Variants in PRKN observed in about 807,000 individuals in gnomAD.
PRKN encodes the protein parkin RBR E3 ubiquitin protein ligase.
PRKN carries 56 observed loss-of-function variants against 59.5 expected under a neutral mutation model. That is an observed-to-expected ratio of 0.94 (90% CI 0.76 to 1.18). The LOEUF is 1.18. PRKN is among the 50% of genes most tolerant of loss of function. The pLI is 0.00. For synonymous variants in PRKN, 250 were observed against 222.1 expected (o/e 1.13, Z -1.12); for missense variants, 657 against 596.4 (o/e 1.10, Z -1.06).
At position 161,499,067 on chromosome 6, in the gene PRKN, T is replaced by A. The variant is rs1777858724; in HGVS notation, c.1083+49787A>T. On this transcript the variant is annotated intron_variant, in intron 9 of 11. Coordinates refer to ENST00000366898, the MANE Select transcript of PRKN (RefSeq NM_004562.3). This position sits in a 1 kb window ranked among gnomAD's most constrained non-coding sequence, Gnocchi z 4.2. The stretch of plus-strand genomic sequence containing the variant: ...TCTAGTCCAAACCAACCTTCCCAGC[T>A]AGGGTTTCGTTCAAAGGTCACAACT... Among the ~76,000 whole-genome samples the A allele has an allele frequency of 2.6e-5, 4 of 151,232 alleles. No homozygotes were observed. The South Asian group carries it at 8.4e-4, about 32-fold the overall frequency.
At chr6:161,749,466 C>A (rs1265383961) in intron 7 of PRKN, among the ~76,000 whole-genome samples, 1 of 152,134 alleles carries the variant, frequency 6.6e-6, no homozygotes, top group African/African-American at 2.4e-5. Context: ...TTTGCAGGAT[C>A]AATTTCTATG....
chr6:162,318,495 G>GGGTGAT (rs1399928127), intron 2 of PRKN, among the ~76,000 whole-genome samples: 1 of 152,028 alleles, frequency 6.6e-6, no homozygotes, highest in Non-Finnish European at 1.5e-5. Flanking sequence ...AAATGAAATT[G>GGGTGAT]CTGGGTGATC....
chr6:162,307,210 G>A (rs1382414658), intron 2 of PRKN, among the ~76,000 whole-genome samples: 2 of 151,900 alleles, frequency 1.3e-5, no homozygotes, highest in African/African-American at 4.8e-5. Flanking sequence ...GACCAGCCTG[G>A]CCAACATGGT....
At chr6:161,901,182 G>A (rs887350479) in intron 6 of PRKN, among the ~76,000 whole-genome samples, 16 of 152,048 alleles carry the variant, frequency 1.1e-4, no homozygotes, top group African/African-American at 2.4e-4. Context: ...GTGATCCACC[G>A]GCCTTGGCCT....
intron 2 of PRKN, among the ~76,000 whole-genome samples, chr6:162,385,842 T>A (rs1009517749): frequency 1.8e-4 from 28 of 152,098 alleles, no homozygotes; most frequent in African/African-American, 6.5e-4. Context: ...CCAACTTGAA[T>A]GTTATTCAGT....
chr6:162,486,854 G>A (rs1792565505), intron 1 of PRKN, among the ~76,000 whole-genome samples: 1 of 152,170 alleles, frequency 6.6e-6, no homozygotes, highest in Non-Finnish European at 1.5e-5. Context: ...TGGATCACCT[G>A]AGGTCAGGAG....
intron 9 of PRKN, among the ~76,000 whole-genome samples, chr6:161,412,398 T>TCGG (rs1787616901): frequency 8.3e-6 from 1 of 121,182 alleles, no homozygotes; most frequent in African/African-American, 3.2e-5. Context: ...CTCACTCCTT[T>TCGG]CTCACGCATT....
chr6:162,386,076 A>T (rs1786790155), intron 2 of PRKN, among the ~76,000 whole-genome samples: 1 of 152,184 alleles, frequency 6.6e-6, no homozygotes, highest in African/African-American at 2.4e-5. Context: ...CAGGATACAT[A>T]TAAATATAGA....
intron 9 of PRKN, among the ~76,000 whole-genome samples, chr6:161,389,142 A>T (rs1786394855): frequency 6.6e-6 from 1 of 152,212 alleles, no homozygotes. Context: ...ACTCTATCCC[A>T]AAATATACCA....
At chr6:162,350,766 AC>A (rs1335886834) in intron 2 of PRKN, among the ~76,000 whole-genome samples, 1 of 152,186 alleles carries the variant, frequency 6.6e-6, no homozygotes, top group Non-Finnish European at 1.5e-5. Flanking sequence ...TTAAGAAAAC[AC>A]TTTTTAGCTA....
At chr6:162,556,362 T>TGTGTGC (rs1554243399) in intron 1 of PRKN, among the ~76,000 whole-genome samples, 4 of 86,266 alleles carry the variant, frequency 4.6e-5, no homozygotes, top group African/African-American at 1.5e-4. Context: ...TGTGTGTGTG[T>TGTGTGC]GTGTGTGTGT....
intron 2 of PRKN, among the ~76,000 whole-genome samples, chr6:162,306,756 G>C (rs1165472954): frequency 6.6e-6 from 1 of 152,112 alleles, no homozygotes; most frequent in Non-Finnish European, 1.5e-5. Flanking sequence ...TAACAAAACT[G>C]AAATGACATG....
At chr6:162,522,250 A>G (rs566506809) in intron 1 of PRKN, among the ~76,000 whole-genome samples, 3 of 152,172 alleles carry the variant, frequency 2.0e-5, no homozygotes, top group South Asian at 4.1e-4. Context: ...CAGCCTCCCA[A>G]GTAGCTGGGA....
intron 1 of PRKN, among the ~76,000 whole-genome samples, chr6:162,570,061 A>T (rs1780254451): frequency 6.6e-6 from 1 of 152,248 alleles, no homozygotes; most frequent in South Asian, 2.1e-4. Context: ...CTGCCAGGGG[A>T]TTAATAATCA....
intron 1 of PRKN, among the ~76,000 whole-genome samples, chr6:162,487,397 G>A (rs1792595380): frequency 6.6e-6 from 1 of 152,162 alleles, no homozygotes; most frequent in Non-Finnish European, 1.5e-5. Context: ...GAGGCTGTGT[G>A]TATCTCCCAG....
rs956751425 is a variant in PRKN, at chr6:161,630,380, G to A, written c.872-60964C>T. Among the ~76,000 whole-genome samples the A allele has an allele frequency of 2.0e-5, 3 of 152,118 alleles. No individual in the cohort carries two copies. The East Asian group carries it at 5.8e-4, about 29-fold the overall frequency. On this transcript the variant is annotated intron_variant, in intron 7 of 11. Transcript: ENST00000366898. ...ATGCTTTGAAGTAACTGGCACTTGG[G>A]TGACACACACGGTATGTCCCCAATA...
chr6:161,995,260 T>C (rs1374542930), intron 5 of PRKN, among the ~76,000 whole-genome samples: 2 of 152,088 alleles, frequency 1.3e-5, no homozygotes, highest in Non-Finnish European at 2.9e-5. Context: ...TATCTCTCAC[T>C]ATATGCAAAA....
At chr6:162,353,472 A>C (rs971505460) in intron 2 of PRKN, among the ~76,000 whole-genome samples, 3 of 152,260 alleles carry the variant, frequency 2.0e-5, no homozygotes, top group Middle Eastern at 6.8e-3. Flanking sequence ...AAATGCTAAA[A>C]TGTTAAATTT....
At chr6:162,022,911 G>A (rs1055991858) in intron 5 of PRKN, among the ~76,000 whole-genome samples, 1 of 152,008 alleles carries the variant, frequency 6.6e-6, no homozygotes, top group Non-Finnish European at 1.5e-5. Context: ...TATTCAATAG[G>A]GTGTATTTTC....
Sources: gnomAD v4.1 joint callset for allele counts (sites outside exome capture counted in the v4.1 genomes callset) on GRCh38, gnomAD v4.1.1 for gene constraint, Gnocchi (gnomAD v3.1) non-coding constraint, MANE v1.5 for transcripts, NCBI Gene and HGNC (gene_info 2026-07-23, HGNC 2026-07-21) for gene names.